Variants in RPL6 observed in about 807,000 individuals in gnomAD.
RPL6 encodes the protein ribosomal protein L6.
Under a neutral mutation model 32.1 loss-of-function variants are expected in RPL6, and 1 was observed. That is an observed-to-expected ratio of 0.03 (90% CI 0.01 to 0.15). RPL6 has a LOEUF of 0.15. RPL6 is among the 10% of genes least tolerant of loss of function. The probability of loss-of-function intolerance (pLI) is 1.00; values close to 1 mark genes in which losing one functional copy is unlikely to be tolerated. For missense variants in RPL6, 275 were observed against 354.6 expected (o/e 0.78, Z 1.80); for synonymous variants, 126 against 131.6 (o/e 0.96, Z 0.29).
upstream of RPL6, among the ~76,000 whole-genome samples, chr12:112,412,879 G>C (rs944536808): frequency 6.6e-6 from 1 of 151,846 alleles, no homozygotes; most frequent in South Asian, 2.1e-4. Flanking sequence ...AGCCGAGATT[G>C]TGCCACTGCA....
intron 1 of RPL6, chr12:112,409,102 G>T (rs2037277675): frequency 8.2e-6 from 2 of 244,700 alleles, no homozygotes; most frequent in Non-Finnish European, 7.7e-6. Flanking sequence ...CTCGATTTAG[G>T]AATTGCGGAC....
At position 112,405,844 on chromosome 12, in the gene RPL6, G is replaced by C. The variant is rs2037144833; in HGVS notation, c.714+9C>G. 1 of 1,607,332 alleles carries C rather than the reference G, an allele frequency of 6.2e-7. No homozygotes were observed. Among genetic ancestry groups the C allele is most frequent in the South Asian group, 1.1e-5 (1 of 90,284 alleles). On this transcript the variant is annotated intron_variant, in intron 6 of 6. Coordinates refer to ENST00000202773, the MANE Select transcript of RPL6 (RefSeq NM_000970.6). ...GTGCTAACACAGGAGATGACAAGTAGAAACTTACCTCTTTTTCTGTGTCGA... is the reference window on the plus strand; with the variant it reads ...GTGCTAACACAGGAGATGACAAGTACAAACTTACCTCTTTTTCTGTGTCGA...
At chr12:112,408,129 C>G in intron 3 of RPL6, 111 bp downstream of exon 3, 1 of 764,878 alleles carries the variant, frequency 1.3e-6, no homozygotes, top group East Asian at 2.6e-5. Context: ...CCTTTATTTT[C>G]TATCAGAAAT....
At chr12:112,409,518 T>G in intron 1 of RPL6, 69 bp downstream of exon 1, 1 of 398,568 alleles carries the variant, frequency 2.5e-6, no homozygotes, top group Admixed American at 4.4e-5. Flanking sequence ...CTGGATGCCC[T>G]CCAGGTTCGG....
At chr12:112,418,600 T>C in intron 1 of RPL6, 1 of 246,356 alleles carries the variant, frequency 4.1e-6, no homozygotes, top group Non-Finnish European at 7.9e-6. Flanking sequence ...TCGGAGACAG[T>C]AGGTAATTTC....
upstream of RPL6, among the ~76,000 whole-genome samples, chr12:112,411,878 A>C (rs1354375213): frequency 4.6e-5 from 7 of 151,766 alleles, no homozygotes; most frequent in African/African-American, 1.7e-4. Context: ...GCAGACACTT[A>C]ATCTTTTTTT....
In RPL6 at chr12:112,406,719, G is replaced by A. The variant is rs139968312; in HGVS notation, c.480+28C>T. 1.2e-5 allele frequency: 20 copies of A among 1,612,452 alleles called. No individual in the cohort carries two copies. In the African/African-American group the frequency reaches 2.3e-4, roughly 18 times the overall value. The stretch of plus-strand genomic sequence containing the variant: ...ACCAGGCACCCCAGGCAGCTGCAGT[G>A]AAGCGCCCCAAGCACAGGTACTCTC... On this transcript the variant is annotated intron_variant, in intron 4 of 6. Transcript: ENST00000202773.
upstream of RPL6, chr12:112,409,612 G>C (rs533278397): frequency 5.0e-6 from 2 of 398,020 alleles, no homozygotes; most frequent in African/African-American, 4.1e-5. Context: ...AGAGAATTAA[G>C]GTCCCGGCTT....
intron 4 of RPL6, 96 bp downstream of exon 4, chr12:112,406,651 G>GGTA: frequency 2.0e-6 from 3 of 1,474,760 alleles, no homozygotes; most frequent in Middle Eastern, 4.9e-4. Flanking sequence ...CCCAAACATA[G>GGTA]GTAAATAAAG....
chr12:112,415,814 C>T (rs1273005321), intron 1 of RPL6, among the ~76,000 whole-genome samples: 1 of 151,290 alleles, frequency 6.6e-6, no homozygotes, highest in African/African-American at 2.4e-5. Context: ...ATCCTCCCAC[C>T]TAGGAGTCCC....
chr12:112,405,874 C>A lies in RPL6; in HGVS notation c.693G>T (p.Glu231Asp). Residue 231 changes from glutamate to aspartate, a missense_variant, in exon 6 of 7, where the codon GAG becomes GAT. Physicochemically the swap from Glu to Asp is conservative, Grantham distance 45. Coordinates refer to ENST00000202773, the MANE Select transcript of RPL6 (RefSeq NM_000970.6). ...KLRKPRHQEGEIFDTEKEKYE... is the reference protein window; with the variant it reads ...KLRKPRHQEGDIFDTEKEKYE... The stretch of plus-strand genomic sequence containing the variant: ...TTACCTCTTTTTCTGTGTCGAAGAT[C>A]TCACCTTCCTGGTGTCTGGGCTTCC... The A allele has an allele frequency of 6.2e-7, 1 of 1,613,044 alleles. No homozygotes were observed. Among genetic ancestry groups the A allele is most frequent in the Non-Finnish European group, 8.5e-7 (1 of 1,179,508 alleles).
rs2037186129 is a variant in RPL6, at chr12:112,406,870, T to G, written c.357A>C (p.Glu119Asp). ...GGCTCAACAGCTTTCGAGGCACATC[T>G]TCAGTAGGATAATATCTAGGCTGTG... ...LRKMPRYYPT[E>D]DVPRKLLSHG... Residue 119 changes from glutamate to aspartate, a missense_variant, in exon 4 of 7, where the codon GAA (glutamate) becomes GAC (aspartate). Physicochemically the swap from Glu to Asp is conservative, Grantham distance 45 (BLOSUM62 2). Coordinates refer to ENST00000202773, the MANE Select transcript of RPL6 (RefSeq NM_000970.6). 6.2e-7 allele frequency: 1 copy of G among 1,614,250 alleles called. No homozygotes were observed. The highest frequency in any genetic ancestry group is 8.5e-7 in the Non-Finnish European group (1 of 1,180,040).
At chr12:112,410,391 A>C (rs1033726646), upstream of RPL6, 2 of 239,520 alleles carry the variant, frequency 8.4e-6, no homozygotes, top group East Asian at 2.1e-4. Flanking sequence ...CCTGGCCTAC[A>C]GAATGAGACT....
At chr12:112,415,839 A>T (rs1295311935) in intron 1 of RPL6, among the ~76,000 whole-genome samples, 2 of 150,904 alleles carry the variant, frequency 1.3e-5, no homozygotes, top group Non-Finnish European at 2.9e-5. Flanking sequence ...CACTGGGATT[A>T]CAGAGGTGAG....
chr12:112,413,063 A>G (rs1012767889), upstream of RPL6, among the ~76,000 whole-genome samples: 18 of 152,338 alleles, frequency 1.2e-4, no homozygotes, highest in Non-Finnish European at 2.6e-4. Context: ...ACACCAAACC[A>G]TTAACACTGC....
chr12:112,412,684 T>C (rs2037355090), upstream of RPL6, among the ~76,000 whole-genome samples: 1 of 152,070 alleles, frequency 6.6e-6, no homozygotes, highest in African/African-American at 2.4e-5. Context: ...CAATGTTGCC[T>C]CAGCTGTATT....
chr12:112,412,356 T>C (rs1487692528), upstream of RPL6, among the ~76,000 whole-genome samples: 1 of 152,036 alleles, frequency 6.6e-6, no homozygotes, highest in Non-Finnish European at 1.5e-5. Flanking sequence ...TGTGTTTTTA[T>C]TGGAGACAGG....
chr12:112,417,814 C>T (rs900052652), intron 1 of RPL6, among the ~76,000 whole-genome samples: 7 of 151,404 alleles, frequency 4.6e-5, no homozygotes, highest in Non-Finnish European at 7.4e-5. Flanking sequence ...CGCGCCACCA[C>T]GCCCGGCTAA....
At chr12:112,406,152 T>C (rs186540503) in intron 5 of RPL6, 115 bp from the exon 6 acceptor site, 1 of 1,210,538 alleles carries the variant, frequency 8.3e-7, no homozygotes, top group Non-Finnish European at 1.2e-6. Flanking sequence ...TCTAACCCAC[T>C]TGCACACAAG....
Sources: gnomAD v4.1 joint callset for allele counts (sites outside exome capture counted in the v4.1 genomes callset) on GRCh38, gnomAD v4.1.1 for gene constraint, MANE v1.5 for transcripts, NCBI Gene and HGNC (gene_info 2026-07-23, HGNC 2026-07-21) for gene names.